DHRS7B: variants seen among roughly 807,000 people sequenced by gnomAD.
The protein encoded by DHRS7B is peroxisomal reductase activating PPAR-gamma.
Under a neutral mutation model 26.4 loss-of-function variants are expected in DHRS7B, and 24 were observed. That is an observed-to-expected ratio of 0.91 (90% CI 0.66 to 1.28). The LOEUF is 1.28. Among genes scored for constraint, DHRS7B ranks in the 50% most tolerant of loss-of-function variants. DHRS7B has a pLI of 0.00. For synonymous variants in DHRS7B, 142 were observed against 166.4 expected, an observed-to-expected ratio of 0.85 and a Z score of 1.13; for missense variants, 368 against 419.4, an observed-to-expected ratio of 0.88 and a Z score of 1.07.
At chr17:21,172,825 G>C (rs915304649) in intron 2 of DHRS7B, among the ~76,000 whole-genome samples, 1 of 152,186 alleles carries the variant, frequency 6.6e-6, no homozygotes, top group South Asian at 2.1e-4. Flanking sequence ...ATGGTGTACC[G>C]GGACCCTGGC....
intron 1 of DHRS7B, among the ~76,000 whole-genome samples, chr17:21,157,714 T>C (rs1402039487): frequency 6.6e-6 from 1 of 151,960 alleles, no homozygotes; most frequent in Non-Finnish European, 1.5e-5. Flanking sequence ...AAAACTAATG[T>C]AATCTGGCTG....
intron 1 of DHRS7B, among the ~76,000 whole-genome samples, chr17:21,153,534 C>T (rs1973816425): frequency 6.6e-6 from 1 of 152,128 alleles, no homozygotes; most frequent in African/African-American, 2.4e-5. Flanking sequence ...AATCGCAGAA[C>T]AAGGAAGTTC....
intron 1 of DHRS7B, among the ~76,000 whole-genome samples, chr17:21,142,910 T>C (rs1344328780): frequency 1.6e-4 from 25 of 152,206 alleles, no homozygotes; most frequent in Admixed American, 1.6e-3. Context: ...AGTAATAGGC[T>C]AAAAATTACT....
At chr17:21,148,211 A>G (rs1308441486) in intron 1 of DHRS7B, among the ~76,000 whole-genome samples, 1 of 152,046 alleles carries the variant, frequency 6.6e-6, no homozygotes, top group Non-Finnish European at 1.5e-5. Flanking sequence ...CACCATGCCC[A>G]GCCCTAAAAA....
chr17:21,144,229 T>C (rs905626027), intron 1 of DHRS7B, among the ~76,000 whole-genome samples: 1 of 152,164 alleles, frequency 6.6e-6, no homozygotes, highest in Non-Finnish European at 1.5e-5. Flanking sequence ...TGAGGAACTG[T>C]TACCTCTTTA....
chr17:21,138,203 C>CCCT (rs1973407185), intron 1 of DHRS7B, among the ~76,000 whole-genome samples: 1 of 134,694 alleles, frequency 7.4e-6, no homozygotes, highest in East Asian at 2.1e-4. Context: ...GAACATCCAT[C>CCCT]CCTCCTTCTT....
At chr17:21,147,776 T>C (rs2143969638) in intron 1 of DHRS7B, among the ~76,000 whole-genome samples, 1 of 152,222 alleles carries the variant, frequency 6.6e-6, no homozygotes, top group African/African-American at 2.4e-5. Flanking sequence ...GAGACAAAGG[T>C]GGGAGGCAGG....
intron 1 of DHRS7B, among the ~76,000 whole-genome samples, chr17:21,148,985 AG>A (rs1256069293): frequency 3.9e-5 from 6 of 152,200 alleles, no homozygotes; most frequent in African/African-American, 1.4e-4. Context: ...AGAGAACATC[AG>A]ATTTGACCCA....
intron 1 of DHRS7B, among the ~76,000 whole-genome samples, chr17:21,151,615 T>C: frequency 6.6e-6 from 1 of 151,722 alleles, no homozygotes; most frequent in Non-Finnish European, 1.5e-5. Flanking sequence ...CATGAAATCA[T>C]ACCGCACACA....
intron 5 of DHRS7B, among the ~76,000 whole-genome samples, chr17:21,187,656 A>G (rs930347943): frequency 1.3e-5 from 2 of 151,344 alleles, no homozygotes; most frequent in African/African-American, 4.8e-5. Flanking sequence ...AAAAAGGAAA[A>G]AAAAGAAAAC....
intron 1 of DHRS7B, among the ~76,000 whole-genome samples, chr17:21,162,412 CAA>C (rs1216431944): frequency 2.0e-5 from 3 of 152,094 alleles, no homozygotes; most frequent in Admixed American, 6.5e-5. Context: ...GCAAATAAAA[CAA>C]CACATCTGGG....
chr17:21,133,633 CT>C (rs1211742564), intron 1 of DHRS7B, among the ~76,000 whole-genome samples: 1 of 152,162 alleles, frequency 6.6e-6, no homozygotes, highest in Non-Finnish European at 1.5e-5. Context: ...CCCCACTTTT[CT>C]TTTTTAAAAT....
chr17:21,147,320 G>T (rs959017550), intron 1 of DHRS7B, among the ~76,000 whole-genome samples: 1 of 152,124 alleles, frequency 6.6e-6, no homozygotes. Flanking sequence ...ACACATGGAA[G>T]TCAGCCCACT....
At chr17:21,127,838 C>T (rs1973134258) in intron 1 of DHRS7B, 1 of 152,156 alleles carries the variant, frequency 6.6e-6, no homozygotes, top group Non-Finnish European at 1.5e-5. Flanking sequence ...AAGCAGAATT[C>T]TTGCTTACAC....
intron 1 of DHRS7B, among the ~76,000 whole-genome samples, chr17:21,165,153 G>A (rs1164545135): frequency 6.6e-6 from 1 of 152,132 alleles, no homozygotes; most frequent in Non-Finnish European, 1.5e-5. Context: ...GTGTTGCACA[G>A]CAAGTATGCA....
At chr17:21,133,223 T>C (rs2143862774) in intron 1 of DHRS7B, among the ~76,000 whole-genome samples, 1 of 152,340 alleles carries the variant, frequency 6.6e-6, no homozygotes, top group African/African-American at 2.4e-5. Context: ...AGGTCTTAGT[T>C]AATTCAGAGA....
chr17:21,129,729 AAG>A (rs1354175006), intron 1 of DHRS7B, among the ~76,000 whole-genome samples: 2 of 151,522 alleles, frequency 1.3e-5, no homozygotes, highest in Non-Finnish European at 1.5e-5. Context: ...AAAAAAGAAA[AAG>A]AAAAAAATAA....
intron 1 of DHRS7B, among the ~76,000 whole-genome samples, chr17:21,135,007 C>G (rs1052763413): frequency 2.0e-5 from 3 of 152,074 alleles, no homozygotes; most frequent in African/African-American, 7.2e-5. Context: ...TTCAAGAGCA[C>G]CTGTTAGAGT....
At chr17:21,132,568 G>T (rs573468234) in intron 1 of DHRS7B, among the ~76,000 whole-genome samples, 1 of 149,066 alleles carries the variant, frequency 6.7e-6, no homozygotes, top group Non-Finnish European at 1.5e-5. Context: ...AAACAGGGAA[G>T]TGAGGTGTAG....
Sources: gnomAD v4.1 joint callset for allele counts (sites outside exome capture counted in the v4.1 genomes callset) on GRCh38, gnomAD v4.1.1 for gene constraint, MANE v1.5 for transcripts, NCBI Gene and HGNC (gene_info 2026-07-23, HGNC 2026-07-21) for gene names.